PPDPFL: variants seen among roughly 807,000 people sequenced by gnomAD.
PPDPFL encodes pancreatic progenitor cell differentiation and proliferation factor-like protein.
A neutral mutation model predicts 12.6 loss-of-function variants in PPDPFL; 12 were observed. The observed-to-expected ratio is 0.95, with a 90% confidence interval of 0.61 to 1.54. PPDPFL has a LOEUF of 1.54. Ranked by LOEUF, PPDPFL falls within the 40% of genes most tolerant of loss-of-function variation. PPDPFL has a pLI of 0.00. For synonymous variants in PPDPFL, 24 were observed against 32.7 expected, an observed-to-expected ratio of 0.73 and a Z score of 0.91; for missense variants, 114 against 96.0, an observed-to-expected ratio of 1.19 and a Z score of -0.78.
At position 49,074,351 on chromosome 8, in the gene PPDPFL, C is replaced by G. The variant is rs749132287; in HGVS notation, c.233+18C>G. On this transcript the variant is annotated intron_variant, in intron 4 of 4. Transcript: ENST00000522267. ...GCTACTGGGTGAGTTTTAGCCTTCT[C>G]TGGTAAGGGCAGTTCTTACTTAGTG... 3.1e-5 allele frequency: 50 copies of G among 1,607,468 alleles called. No individual in the cohort carries two copies. In the Admixed American group the frequency reaches 8.2e-4, roughly 26 times the overall value.
intron 1 of PPDPFL, chr8:49,054,417 T>C (rs2129242959): frequency 6.6e-6 from 1 of 152,280 alleles, no homozygotes; most frequent in South Asian, 2.1e-4. Context: ...TATTTTCTTT[T>C]CTCTAGCTTA....
intron 1 of PPDPFL, among the ~76,000 whole-genome samples, chr8:49,057,722 T>C (rs1585669180): frequency 6.6e-6 from 1 of 152,226 alleles, no homozygotes; most frequent in African/African-American, 2.4e-5. Flanking sequence ...AAGGAAGCCC[T>C]TCAAGTCCCC....
upstream of PPDPFL, among the ~76,000 whole-genome samples, chr8:49,068,437 TCTC>T (rs1808332416): frequency 6.6e-6 from 1 of 151,802 alleles, no homozygotes; most frequent in Admixed American, 6.6e-5. Flanking sequence ...TATGAAGAAA[TCTC>T]CTGCTAAGAA....
chr8:49,072,645 C>A, intron 1 of PPDPFL, 142 bp from the exon 2 acceptor site: 1 of 471,654 alleles, frequency 2.1e-6, no homozygotes. Context: ...TTTGGTTGAA[C>A]TTTTGTGTAA....
rs1282670595 is a variant in PPDPFL at position 49,063,562 on chromosome 8, A to G, written c.-45+9193A>G. Among the ~76,000 whole-genome samples, 5 of 152,120 alleles carry G rather than the reference A, an allele frequency of 3.3e-5. No individual in the cohort carries two copies. The South Asian group carries it at 6.2e-4, about 19-fold the overall frequency. On this transcript the variant is annotated intron_variant, in intron 1 of 4. Coordinates refer to the PPDPFL transcript ENST00000517663. The stretch of plus-strand genomic sequence containing the variant: ...TGATAAAACCCTGTCTCTACAAAAA[A>G]TACAAAAATTAGCTAGGCATGGTGG...
upstream of PPDPFL, among the ~76,000 whole-genome samples, chr8:49,068,127 A>C (rs1808328276): frequency 6.6e-6 from 1 of 152,202 alleles, no homozygotes; most frequent in Non-Finnish European, 1.5e-5. Context: ...GTTTTATTAC[A>C]TTTTTAGAAC....
At chr8:49,059,619 A>T (rs1239495217) in intron 1 of PPDPFL, among the ~76,000 whole-genome samples, 1 of 152,204 alleles carries the variant, frequency 6.6e-6, no homozygotes, top group Non-Finnish European at 1.5e-5. Flanking sequence ...CTAAAATTCC[A>T]TACCTCTTTG....
intron 1 of PPDPFL, among the ~76,000 whole-genome samples, chr8:49,065,413 A>C (rs1292894773): frequency 6.6e-6 from 1 of 152,190 alleles, no homozygotes; most frequent in African/African-American, 2.4e-5. Flanking sequence ...AATTGATCAA[A>C]AAGTGTTTTT....
At chr8:49,069,741 C>T (rs1808349485), upstream of PPDPFL, among the ~76,000 whole-genome samples, 1 of 152,182 alleles carries the variant, frequency 6.6e-6, no homozygotes, top group African/African-American at 2.4e-5. Flanking sequence ...TGGAGACCAT[C>T]CTGGCTAACA....
intron 1 of PPDPFL, among the ~76,000 whole-genome samples, chr8:49,055,719 T>A (rs1376850013): frequency 6.6e-6 from 1 of 152,146 alleles, no homozygotes; most frequent in East Asian, 1.9e-4. Flanking sequence ...ATTTCAGATT[T>A]GACTGTCCAA....
In PPDPFL at chr8:49,075,155, A is replaced by G; in HGVS notation, c.237A>G (p.Leu79=). The stretch of plus-strand genomic sequence containing the variant: ...GACTACTATAAAATCAACCCAGATT[A>G]CAGATGAGCACTTTGTAGCTGATCA... ...VRIKDLSATG[L]QMSTL Residue 79 remains leucine (L), a synonymous_variant, in exon 5 of 5, where the codon TTA becomes TTG. Coordinates refer to ENST00000522267, the MANE Select transcript of PPDPFL (RefSeq NM_001256597.2). 6.2e-7 allele frequency: 1 copy of G among 1,613,452 alleles called. No individual in the cohort carries two copies. Among genetic ancestry groups the G allele is most frequent in the Non-Finnish European group, 8.5e-7 (1 of 1,179,496 alleles).
At chr8:49,070,023 A>C (rs937011791), upstream of PPDPFL, among the ~76,000 whole-genome samples, 1 of 152,232 alleles carries the variant, frequency 6.6e-6, no homozygotes, top group Non-Finnish European at 1.5e-5. Context: ...CTGGATAAAG[A>C]AAATGTGATA....
intron 1 of PPDPFL, among the ~76,000 whole-genome samples, chr8:49,054,612 C>T (rs1341818315): frequency 6.6e-6 from 1 of 152,016 alleles, no homozygotes; most frequent in Non-Finnish European, 1.5e-5. Flanking sequence ...TGTTAACCTT[C>T]ACATTGTTCA....
chr8:49,061,631 T>A (rs1359462731), intron 1 of PPDPFL, among the ~76,000 whole-genome samples: 1 of 152,124 alleles, frequency 6.6e-6, no homozygotes, highest in East Asian at 1.9e-4. Context: ...ATGAGCTGAC[T>A]GGTGCTGGGT....
upstream of PPDPFL, among the ~76,000 whole-genome samples, chr8:49,067,393 C>A (rs1808316039): frequency 6.6e-6 from 1 of 152,186 alleles, no homozygotes; most frequent in South Asian, 2.1e-4. Context: ...AATATCATGA[C>A]ACACTTAAAA....
chr8:49,069,173 G>A (rs62507216), upstream of PPDPFL, among the ~76,000 whole-genome samples: 9,082 of 152,088 alleles, frequency 0.06, 373 homozygotes, highest in East Asian at 0.11. Context: ...TGATTATTGC[G>A]TGCCCCATCC....
Position 49,074,061 on chromosome 8 carries a change from T to C in PPDPFL, c.58T>C (p.Ser20Pro), listed in dbSNP as rs1341658220. The stretch of plus-strand genomic sequence containing the variant: ...TTAATATCATTTGTTTCCTACAGAG[T>C]CCAGTGTTTCTTCAGTTAGTTCTTT... ...LLARNQYYRK[S>P]SVSSVSSLTS... Residue 20 changes from serine (S) to proline (P), a missense_variant and splice_region_variant, in exon 3 of 5, where the codon TCC (serine) becomes CCC (proline). Ser to Pro is a moderately conservative substitution (Grantham distance 74). Transcript: ENST00000522267. The C allele has an allele frequency of 6.2e-7, 1 of 1,606,986 alleles. No homozygotes were observed. Among genetic ancestry groups the C allele is most frequent in the Admixed American group, 1.7e-5 (1 of 59,942 alleles).
chr8:49,074,938 A>G (rs1393220905), intron 4 of PPDPFL: 15 of 1,379,382 alleles, frequency 1.1e-5, no homozygotes, highest in Non-Finnish European at 1.0e-5. Context: ...ATGTTGAAAT[A>G]TAGTGATTCT....
intron 1 of PPDPFL, among the ~76,000 whole-genome samples, chr8:49,062,306 G>A (rs60449482): frequency 0.3 from 45,157 of 152,042 alleles, 7,525 homozygotes; most frequent in Non-Finnish European, 0.37. Flanking sequence ...ATGTGAAACC[G>A]ATATGTTGTG....
Sources: gnomAD v4.1 joint callset for allele counts (sites outside exome capture counted in the v4.1 genomes callset) on GRCh38, gnomAD v4.1.1 for gene constraint, MANE v1.5 for transcripts, NCBI Gene and HGNC (gene_info 2026-07-23, HGNC 2026-07-21) for gene names.